Variants in NBAS observed in about 807,000 individuals in gnomAD.
NBAS encodes NAG/BC035112 fusion.
Under a neutral mutation model 302.5 loss-of-function variants are expected in NBAS, and 219 were observed. The ratio of observed to expected loss-of-function variants is 0.72; its 90% CI spans 0.65 to 0.81. The LOEUF is 0.81. Ranked by LOEUF, NBAS falls within the 30% of genes least tolerant of loss-of-function variation. NBAS has a pLI of 0.00. For missense variants in NBAS, 2,932 were observed against 2,841.6 expected, an observed-to-expected ratio of 1.03 and a Z score of -0.72; for synonymous variants, 1,118 against 1,021.6, an observed-to-expected ratio of 1.09 and a Z score of -1.80.
intron 44 of NBAS, among the ~76,000 whole-genome samples, chr2:15,248,918 C>A (rs1451574682): frequency 6.6e-6 from 1 of 152,072 alleles, no homozygotes; most frequent in Non-Finnish European, 1.5e-5. Flanking sequence ...CTGAAACTAT[C>A]CAAACAATAG....
intron 48 of NBAS, among the ~76,000 whole-genome samples, chr2:15,204,841 A>G (rs1666064436): frequency 6.6e-6 from 1 of 152,102 alleles, no homozygotes; most frequent in Non-Finnish European, 1.5e-5. Flanking sequence ...GGGGAACATC[A>G]TACACTGGGG....
intron 11 of NBAS, among the ~76,000 whole-genome samples, chr2:15,490,543 C>T (rs1382941362): frequency 6.6e-6 from 1 of 152,188 alleles, no homozygotes; most frequent in Non-Finnish European, 1.5e-5. Flanking sequence ...TGTCCTCCCT[C>T]CTCAAATTTA....
intron 12 of NBAS, among the ~76,000 whole-genome samples, chr2:15,482,332 G>C (rs1680463062): frequency 6.6e-6 from 1 of 152,070 alleles, no homozygotes; most frequent in African/African-American, 2.4e-5. Context: ...GCCCAGCCTG[G>C]TCCCGAACTC....
chr2:15,303,088 T>C (rs375610303), intron 40 of NBAS, among the ~76,000 whole-genome samples: 7 of 152,184 alleles, frequency 4.6e-5, no homozygotes, highest in African/African-American at 1.2e-4. Flanking sequence ...AGCTTGCAGA[T>C]TGCCTATTGT....
At chr2:15,044,363 C>T in the NBAS span, among the ~76,000 whole-genome samples, 2 of 152,324 alleles carry the variant, frequency 1.3e-5, no homozygotes, top group South Asian at 2.1e-4. Context: ...AGAAACCCCC[C>T]GGTCCAATTA....
rs184930150 is a variant in NBAS at position 15,226,083 on chromosome 2, C to A, written c.6236+6339G>T. On this transcript the variant is annotated intron_variant, in intron 47 of 51. Coordinates refer to ENST00000281513, the MANE Select transcript of NBAS (RefSeq NM_015909.4). ...TATGCAGAATTAAGTGTGAGAAGCACTGCTTTACTTTCCTGTGCTGGCTCT... is the reference window on the plus strand; with the variant it reads ...TATGCAGAATTAAGTGTGAGAAGCAATGCTTTACTTTCCTGTGCTGGCTCT... 1.1e-4 allele frequency among the ~76,000 whole-genome samples: 17 copies of A among 152,246 alleles called. No homozygotes were observed. The South Asian group carries it at 2.5e-3, about 22-fold the overall frequency.
At chr2:15,207,189 T>C (rs150577819) in intron 48 of NBAS, among the ~76,000 whole-genome samples, 5 of 152,282 alleles carry the variant, frequency 3.3e-5, no homozygotes, top group African/African-American at 1.2e-4. Flanking sequence ...ATATGAGACA[T>C]GGAGTCAAAG....
chr2:15,165,346 T>C (rs986756663), downstream of NBAS, among the ~76,000 whole-genome samples: 3 of 152,082 alleles, frequency 2.0e-5, no homozygotes, highest in African/African-American at 7.2e-5. Context: ...TTGGGAGAAA[T>C]ATGGTGTCCT....
chr2:14,977,607 A>G, the NBAS span, among the ~76,000 whole-genome samples: 10 of 152,246 alleles, frequency 6.6e-5, no homozygotes, highest in Non-Finnish European at 1.3e-4. Flanking sequence ...TGTCCCTGCC[A>G]TAACCAAGGG....
At chr2:14,971,446 C>T in the NBAS span, among the ~76,000 whole-genome samples, 25 of 152,208 alleles carry the variant, frequency 1.6e-4, no homozygotes, top group South Asian at 4.6e-3. Context: ...ACTCAGGAGA[C>T]GGAGGTTGCA....
intron 21 of NBAS, among the ~76,000 whole-genome samples, chr2:15,453,038 G>A (rs184827449): frequency 2.0e-5 from 3 of 152,304 alleles, no homozygotes; most frequent in Admixed American, 6.5e-5. Context: ...CACTAGAAGG[G>A]TGAGTGACCC....
the NBAS span, among the ~76,000 whole-genome samples, chr2:14,955,561 C>T: frequency 5.9e-5 from 9 of 152,238 alleles, no homozygotes; most frequent in Non-Finnish European, 8.8e-5. Flanking sequence ...TCTGTCTGAA[C>T]ATTCAGGCAT....
chr2:14,864,132 C>A, the NBAS span, among the ~76,000 whole-genome samples: 1 of 152,070 alleles, frequency 6.6e-6, no homozygotes, highest in East Asian at 1.9e-4. Flanking sequence ...GCCTGGCCGT[C>A]ATGGTGAAAC....
the NBAS span, among the ~76,000 whole-genome samples, chr2:15,111,613 T>C: frequency 1.3e-5 from 2 of 151,934 alleles, no homozygotes; most frequent in African/African-American, 4.8e-5. Flanking sequence ...CTGCACCCTG[T>C]GAAATCTCAG....
At chr2:15,374,279 C>T (rs575377871) in intron 31 of NBAS, among the ~76,000 whole-genome samples, 3 of 152,250 alleles carry the variant, frequency 2.0e-5, no homozygotes, top group African/African-American at 7.2e-5. Flanking sequence ...TAGATCAAAA[C>T]TGATATAAAT....
At position 15,416,085 on chromosome 2, in the gene NBAS, CAGAGAGAG is replaced by C. The variant is rs142747790; in HGVS notation, c.2764-374_2764-367del. On this transcript the variant is annotated intron_variant, in intron 24 of 51. Transcript: ENST00000281513. ...AGCAAAGAGAAGGCATACGCAAAAA[CAGAGAGAG>C]AGAGAGAGAGAGAGAGTATAAAAAG... is the stretch of plus-strand genomic sequence containing the variant. Among the ~76,000 whole-genome samples the C allele has an allele frequency of 6.5e-3, 958 of 147,832 alleles. 8 individuals are homozygous for C. Among genetic ancestry groups the C allele is most frequent in the African/African-American group, 0.02 (827 of 40,436 alleles).
intron 42 of NBAS, 128 bp from the exon 43 acceptor site, chr2:15,277,229 C>A (rs1260401113): frequency 5.1e-6 from 6 of 1,185,518 alleles, no homozygotes; most frequent in African/African-American, 1.5e-5. Flanking sequence ...AGACAGTAAA[C>A]CACCACCAGA....
At chr2:14,895,186 AGG>A in the NBAS span, among the ~76,000 whole-genome samples, 2 of 152,204 alleles carry the variant, frequency 1.3e-5, no homozygotes, top group Non-Finnish European at 2.9e-5. Context: ...GGAAGGATCC[AGG>A]TGTGTAGAAG....
chr2:15,282,349 A>G (rs931729656), intron 42 of NBAS, among the ~76,000 whole-genome samples: 8 of 152,200 alleles, frequency 5.3e-5, no homozygotes, highest in Admixed American at 3.9e-4. Context: ...ACACAAACCT[A>G]TGTGAACAAT....
Sources: gnomAD v4.1 joint callset for allele counts (sites outside exome capture counted in the v4.1 genomes callset) on GRCh38, gnomAD v4.1.1 for gene constraint, MANE v1.5 for transcripts, NCBI Gene and HGNC (gene_info 2026-07-23, HGNC 2026-07-21) for gene names.